The following EFNA5 variants were observed in gnomAD, a reference collection of about 807,000 sequenced individuals.
EFNA5 encodes ephrin A5.
Under a neutral mutation model 22.9 loss-of-function variants are expected in EFNA5, and 5 were observed. That is an observed-to-expected ratio of 0.22 (90% confidence interval 0.11 to 0.46). EFNA5 has a LOEUF of 0.46. Ranked by LOEUF, EFNA5 falls within the 20% of genes least tolerant of loss-of-function variation. EFNA5 has a pLI of 0.99. For missense variants in EFNA5, 237 were observed against 293.3 expected, an observed-to-expected ratio of 0.81 and a Z score of 1.40; for synonymous variants, 113 against 112.2, an observed-to-expected ratio of 1.01 and a Z score of -0.04.
chr5:107,668,374 C>CA (rs1751117691), intron 1 of EFNA5, among the ~76,000 whole-genome samples: 1 of 152,082 alleles, frequency 6.6e-6, no homozygotes, highest in South Asian at 2.1e-4. Context: ...TGACCTGTGA[C>CA]AAAAATCAAT....
At chr5:107,483,940 G>A (rs191533729) in intron 1 of EFNA5, among the ~76,000 whole-genome samples, 6 of 152,242 alleles carry the variant, frequency 3.9e-5, no homozygotes, top group African/African-American at 1.4e-4. Flanking sequence ...CTTTTCAGGT[G>A]GCAGAAACCT....
chr5:107,523,540 C>T (rs1047800811), intron 1 of EFNA5, among the ~76,000 whole-genome samples: 1 of 152,140 alleles, frequency 6.6e-6, no homozygotes, highest in African/African-American at 2.4e-5. Context: ...TGCCTTTCGG[C>T]CTGCTAAGAA....
chr5:107,433,302 G>A (rs1382261323), intron 1 of EFNA5, among the ~76,000 whole-genome samples: 3 of 152,276 alleles, frequency 2.0e-5, no homozygotes, highest in African/African-American at 7.2e-5. Flanking sequence ...TATTATAAAA[G>A]GGTAATTTTA....
chr5:107,410,739 T>C (rs190959668), intron 2 of EFNA5, among the ~76,000 whole-genome samples: 2 of 152,332 alleles, frequency 1.3e-5, no homozygotes, highest in Non-Finnish European at 2.9e-5. Flanking sequence ...AATTTTCTTG[T>C]TCCTTGTAAC....
At chr5:107,503,794 C>T (rs1265742635) in intron 1 of EFNA5, among the ~76,000 whole-genome samples, 2 of 151,790 alleles carry the variant, frequency 1.3e-5, no homozygotes, top group African/African-American at 4.8e-5. Context: ...AATTGTTTAC[C>T]CATTAAAAAG....
chr5:107,670,179 G>A (rs921505641), intron 1 of EFNA5, among the ~76,000 whole-genome samples: 1 of 152,128 alleles, frequency 6.6e-6, no homozygotes, highest in Non-Finnish European at 1.5e-5. Context: ...CAGATGCCGG[G>A]GCTGGGAAGC....
At chr5:107,397,710 C>G (rs938416851) in intron 2 of EFNA5, among the ~76,000 whole-genome samples, 20 of 152,276 alleles carry the variant, frequency 1.3e-4, no homozygotes, top group African/African-American at 4.1e-4. Flanking sequence ...AGGCTGGAGG[C>G]TCTCCAAATG....
At chr5:107,652,667 A>G (rs1295474598) in intron 1 of EFNA5, among the ~76,000 whole-genome samples, 1 of 152,176 alleles carries the variant, frequency 6.6e-6, no homozygotes, top group Non-Finnish European at 1.5e-5. Flanking sequence ...TTTACTGTGT[A>G]TTTATTAACA....
chr5:107,379,808 G>A lies in EFNA5; in HGVS notation c.*1447C>T, dbSNP rs1431607765. 1 of 151,560 alleles carries A rather than the reference G, an allele frequency of 6.6e-6. No individual in the cohort carries two copies. Among genetic ancestry groups the A allele is most frequent in the Admixed American group, 6.6e-5 (1 of 15,204 alleles). The allele number at this position is 151,560 out of a possible 1,614,324, so 9.4% of individuals were successfully genotyped here. A position where few individuals can be genotyped will look rare whatever the true frequency, so the allele number is the denominator to read the frequency against. ...CCCCATATTTCTAAATGTATCAAGG[G>A]ATACCACTTTTTCTCACAAGTTTAA... On this transcript the variant is annotated 3_prime_UTR_variant, in exon 5 of 5. Transcript: ENST00000333274.
intron 1 of EFNA5, among the ~76,000 whole-genome samples, chr5:107,448,875 T>TAAAA (rs1295994141): frequency 6.8e-6 from 1 of 146,782 alleles, no homozygotes; most frequent in Non-Finnish European, 1.5e-5. Context: ...ATAAATAAAA[T>TAAAA]AAAATAAAAA....
intron 2 of EFNA5, among the ~76,000 whole-genome samples, chr5:107,391,391 A>C (rs555557643): frequency 2.8e-4 from 42 of 152,242 alleles, no homozygotes; most frequent in African/African-American, 1.0e-3. Flanking sequence ...TGTCCCAGAC[A>C]TGTTTATCAG....
intron 1 of EFNA5, among the ~76,000 whole-genome samples, chr5:107,626,202 C>A (rs1208257594): frequency 2.0e-5 from 3 of 152,186 alleles, no homozygotes; most frequent in Non-Finnish European, 4.4e-5. Flanking sequence ...TTAGTAAATG[C>A]AGAACCACCA....
chr5:107,431,233 C>T (rs6884451), intron 1 of EFNA5, among the ~76,000 whole-genome samples: 3,072 of 152,212 alleles, frequency 0.02, 93 homozygotes, highest in African/African-American at 0.071. Context: ...CAATGACAAA[C>T]TGGAATTCAT....
intron 1 of EFNA5, among the ~76,000 whole-genome samples, chr5:107,536,157 T>C (rs1412237993): frequency 1.3e-5 from 2 of 152,206 alleles, no homozygotes; most frequent in Non-Finnish European, 2.9e-5. Context: ...AATTACTCCT[T>C]GTTCTATTTC....
intron 1 of EFNA5, among the ~76,000 whole-genome samples, chr5:107,659,347 G>T (rs1272598829): frequency 6.6e-6 from 1 of 152,072 alleles, no homozygotes; most frequent in African/African-American, 2.4e-5. Flanking sequence ...ACCAAGTTCT[G>T]ATTCTATGTG....
intron 1 of EFNA5, among the ~76,000 whole-genome samples, chr5:107,663,530 A>G (rs375508502): frequency 1.3e-5 from 2 of 152,130 alleles, no homozygotes; most frequent in East Asian, 3.8e-4. Context: ...CGTGATCATC[A>G]GTCATGAAAA....
At chr5:107,571,919 G>C (rs1952782136) in intron 1 of EFNA5, among the ~76,000 whole-genome samples, 1 of 152,066 alleles carries the variant, frequency 6.6e-6, no homozygotes, top group South Asian at 2.1e-4. Flanking sequence ...TACAGGGAGA[G>C]GGAAAGAAAA....
chr5:107,625,126 T>G lies in EFNA5; in HGVS notation c.125+45363A>C, dbSNP rs559984948. ...ACCAAAATAACTTCCAAACTTACGC[T>G]GTAGCAACTAATTTTTGAAATACTA... On this transcript the variant is annotated intron_variant, in intron 1 of 4. Coordinates refer to ENST00000333274, the MANE Select transcript of EFNA5 (RefSeq NM_001962.3). Among the ~76,000 whole-genome samples, 4 of 152,278 alleles carry G rather than the reference T, an allele frequency of 2.6e-5. No individual in the cohort carries two copies. The East Asian group carries it at 5.8e-4, about 22-fold the overall frequency.
chr5:107,399,402 A>AGAAG (rs1748027797), intron 2 of EFNA5, among the ~76,000 whole-genome samples: 1 of 150,670 alleles, frequency 6.6e-6, no homozygotes, highest in East Asian at 1.9e-4. Context: ...GAAGAGAGAG[A>AGAAG]GAAGGAAGGA....
Sources: allele counts gnomAD v4.1 joint callset (sites outside exome capture counted in the v4.1 genomes callset), GRCh38; gene constraint gnomAD v4.1.1; transcripts MANE v1.5; gene names NCBI Gene and HGNC (gene_info 2026-07-23, HGNC 2026-07-21).